The following PTPRD variants were observed in gnomAD, a reference collection of about 807,000 sequenced individuals.
PTPRD encodes protein tyrosine phosphatase receptor type D, also known as receptor-type tyrosine-protein phosphatase delta.
In PTPRD, 34 loss-of-function variants were observed where a neutral mutation model predicts 214.5. The observed-to-expected ratio is 0.16, with a 90% CI of 0.12 to 0.21. The LOEUF is 0.21. Among genes scored for constraint, PTPRD ranks in the 10% least tolerant of loss-of-function variants. The probability of loss-of-function intolerance (pLI) is 1.00; values close to 1 mark genes in which losing one functional copy is unlikely to be tolerated. For missense variants in PTPRD, 2,545 were observed against 2,398.7 expected (o/e 1.06, Z -1.27); for synonymous variants, 1,128 against 845.7 (o/e 1.33, Z -5.79).
At chr9:9,883,107 A>G (rs2069382027) in intron 5 of PTPRD, among the ~76,000 whole-genome samples, 1 of 152,138 alleles carries the variant, frequency 6.6e-6, no homozygotes, top group African/African-American at 2.4e-5. Flanking sequence ...GTTATAAATT[A>G]CCCAGTCTTA....
intron 3 of PTPRD, among the ~76,000 whole-genome samples, chr9:10,224,096 C>A (rs1425523013): frequency 6.6e-6 from 1 of 151,852 alleles, no homozygotes; most frequent in African/African-American, 2.4e-5. Context: ...AAGATAATTT[C>A]AGTTGCCTCT....
At chr9:9,767,360 G>A (rs924859224) in intron 5 of PTPRD, among the ~76,000 whole-genome samples, 3 of 151,944 alleles carry the variant, frequency 2.0e-5, no homozygotes, top group Non-Finnish European at 4.4e-5. Flanking sequence ...AAAACTTTCA[G>A]GCAGTGCATC....
At chr9:10,236,561 T>C (rs1160869213) in intron 3 of PTPRD, among the ~76,000 whole-genome samples, 1 of 151,946 alleles carries the variant, frequency 6.6e-6, no homozygotes, top group Non-Finnish European at 1.5e-5. Context: ...GTATTAGATT[T>C]CCCTTATAAT....
chr9:9,327,585 T>C (rs76325158), intron 9 of PTPRD, among the ~76,000 whole-genome samples: 45 of 152,250 alleles, frequency 3.0e-4, no homozygotes, highest in African/African-American at 1.0e-3. Flanking sequence ...AGTAATAACA[T>C]CTTGTATTCA....
chr9:8,400,883 T>C (rs1284554893), intron 36 of PTPRD, among the ~76,000 whole-genome samples: 1 of 152,164 alleles, frequency 6.6e-6, no homozygotes, highest in African/African-American at 2.4e-5. Context: ...TACATAGAGA[T>C]AACTCTTAGA....
chr9:10,471,168 C>G (rs1588937928), intron 2 of PTPRD, among the ~76,000 whole-genome samples: 1 of 4,608 alleles, frequency 2.2e-4, no homozygotes, highest in Non-Finnish European at 5.6e-4. Flanking sequence ...AGGGGAAGGA[C>G]ACAGCATTAG....
chr9:9,993,284 A>C (rs1220440749), intron 4 of PTPRD, among the ~76,000 whole-genome samples: 3 of 152,342 alleles, frequency 2.0e-5, no homozygotes, highest in African/African-American at 7.2e-5. Context: ...TTTCATTCTT[A>C]GGTACATATA....
Position 9,752,288 on chromosome 9 carries a change from T to G in PTPRD, c.-326+14522A>C, listed in dbSNP as rs181397081. On this transcript the variant is annotated intron_variant, in intron 6 of 45. Transcript: ENST00000381196. ...TGCCAGTTATGCTTTTCCATAAGGC[T>G]TAATGTGGACTTCGATATTTAAGTA... Among the ~76,000 whole-genome samples the G allele has an allele frequency of 2.0e-5, 3 of 152,192 alleles. No homozygotes were observed. In the East Asian group the frequency reaches 5.8e-4, roughly 29 times the overall value.
At chr9:8,736,722 T>C (rs1305223125) in intron 11 of PTPRD, among the ~76,000 whole-genome samples, 1 of 150,854 alleles carries the variant, frequency 6.6e-6, no homozygotes, top group Non-Finnish European at 1.5e-5. Flanking sequence ...TTTTAAACAG[T>C]GGGTTGGCAT....
At chr9:9,570,035 GA>G (rs994508901) in intron 8 of PTPRD, among the ~76,000 whole-genome samples, 1 of 150,718 alleles carries the variant, frequency 6.6e-6, no homozygotes, top group African/African-American at 2.4e-5. Flanking sequence ...ATTTTTTAGG[GA>G]AAAAAAATAA....
intron 9 of PTPRD, among the ~76,000 whole-genome samples, chr9:9,349,724 T>A (rs1440162422): frequency 6.6e-6 from 1 of 151,966 alleles, no homozygotes; most frequent in African/African-American, 2.4e-5. Context: ...CTATATCACC[T>A]TGTTTATACC....
At chr9:9,399,737 C>T (rs1257036012) in intron 8 of PTPRD, among the ~76,000 whole-genome samples, 1 of 152,012 alleles carries the variant, frequency 6.6e-6, no homozygotes, top group African/African-American at 2.4e-5. Context: ...GCACACGCTC[C>T]TTTGCTTGCT....
At chr9:8,495,673 T>C (rs1428535736) in intron 26 of PTPRD, among the ~76,000 whole-genome samples, 1 of 152,218 alleles carries the variant, frequency 6.6e-6, no homozygotes, top group Non-Finnish European at 1.5e-5. Context: ...AAAATTTTAT[T>C]TTAGTTAAAC....
intron 2 of PTPRD, among the ~76,000 whole-genome samples, chr9:10,474,514 G>T (rs2099050540): frequency 6.6e-6 from 1 of 152,112 alleles, no homozygotes; most frequent in Admixed American, 6.6e-5. Context: ...CCTACAAAGA[G>T]ACTTGGACTC....
chr9:9,801,040 A>G (rs77217984), intron 5 of PTPRD, among the ~76,000 whole-genome samples: 3,291 of 152,096 alleles, frequency 0.022, 111 homozygotes, highest in African/African-American at 0.076. Flanking sequence ...CTCAACTGTT[A>G]TTTATTATTT....
At position 10,520,924 on chromosome 9, in the gene PTPRD, A is replaced by G. The variant is rs986432667; in HGVS notation, c.-600+91474T>C. 5.9e-5 allele frequency among the ~76,000 whole-genome samples: 9 copies of G among 151,544 alleles called. No homozygotes were observed. In the South Asian group the frequency reaches 6.2e-4, roughly 11 times the overall value. ...TTCTAAATATGACTGCTTATTGACAATGCATCTAGTTGCCAAGGTGCAAGA... is the reference window on the plus strand; with the variant it reads ...TTCTAAATATGACTGCTTATTGACAGTGCATCTAGTTGCCAAGGTGCAAGA... On this transcript the variant is annotated intron_variant, in intron 2 of 45. Transcript: ENST00000381196.
At chr9:10,573,670 G>A (rs996435857) in intron 2 of PTPRD, among the ~76,000 whole-genome samples, 6 of 152,234 alleles carry the variant, frequency 3.9e-5, no homozygotes, top group South Asian at 2.1e-4. Context: ...GGGCTACAGC[G>A]CACCTGGACT....
At chr9:8,866,848 ATC>A (rs1388230420) in intron 11 of PTPRD, among the ~76,000 whole-genome samples, 1 of 152,162 alleles carries the variant, frequency 6.6e-6, no homozygotes, top group Non-Finnish European at 1.5e-5. Context: ...GATTCTTTGA[ATC>A]TCTCTTGTAC....
intron 2 of PTPRD, among the ~76,000 whole-genome samples, chr9:10,343,366 C>T (rs141628313): frequency 2.6e-5 from 4 of 152,252 alleles, no homozygotes; most frequent in African/African-American, 9.6e-5. Flanking sequence ...TTTTCTTAAT[C>T]CAGTCTGTCA....
Sources: allele counts gnomAD v4.1 joint callset (sites outside exome capture counted in the v4.1 genomes callset), GRCh38; gene constraint gnomAD v4.1.1; transcripts MANE v1.5; gene names NCBI Gene and HGNC (gene_info 2026-07-23, HGNC 2026-07-21).